The following MBNL1 variants were observed in gnomAD, a reference collection of about 807,000 sequenced individuals.
MBNL1 encodes the protein muscleblind-like protein 1.
Under a neutral mutation model 42.2 loss-of-function variants are expected in MBNL1, and 8 were observed. The ratio of observed to expected loss-of-function variants is 0.19; its 90% CI spans 0.11 to 0.34. The LOEUF is 0.34. Among genes scored for constraint, MBNL1 ranks in the 10% least tolerant of loss-of-function variants. The probability of loss-of-function intolerance (pLI) is 1.00; values close to 1 mark genes in which losing one functional copy is unlikely to be tolerated. For synonymous variants in MBNL1, 169 were observed against 173.9 expected (o/e 0.97, Z 0.22); for missense variants, 309 against 495.3 (o/e 0.62, Z 3.57).
chr3:152,341,047 T>G, intron 2 of MBNL1: 3 of 1,034,392 alleles, frequency 2.9e-6, no homozygotes, highest in Non-Finnish European at 2.6e-6. Context: ...TAACAAAGCA[T>G]TTTATTCATA....
chr3:152,447,574 T>G (rs754385167), intron 5 of MBNL1, 46 bp from the exon 6 acceptor site: 2 of 1,531,698 alleles, frequency 1.3e-6, no homozygotes, highest in East Asian at 2.3e-5. Flanking sequence ...TTTTTTCTTT[T>G]TCTCTTTTTA....
chr3:152,301,326 T>G (rs2060639571), intron 2 of MBNL1, among the ~76,000 whole-genome samples: 2 of 152,214 alleles, frequency 1.3e-5, no homozygotes, highest in Admixed American at 1.3e-4. Context: ...TTAATCAAAT[T>G]GCTTTTGAAT....
In MBNL1 at chr3:152,301,601, G is replaced by A. The variant is rs144683977; in HGVS notation, c.174+1234G>A. ...ATCTTTAGAGTTGAACAGAAAGGAG[G>A]TATTAACAACAAAAATATTTTAAAA... On this transcript the variant is annotated intron_variant, in intron 2 of 9. Transcript: ENST00000324210. Among the ~76,000 whole-genome samples, 634 of 152,206 alleles carry A rather than the reference G, an allele frequency of 4.2e-3. 2 individuals are homozygous for A. The highest frequency in any genetic ancestry group is 6.5e-3 in the Non-Finnish European group (442 of 67,990).
chr3:152,260,216 C>G (rs2149490298), intron 2 of MBNL1, among the ~76,000 whole-genome samples: 1 of 152,248 alleles, frequency 6.6e-6, no homozygotes, highest in African/African-American at 2.4e-5. Context: ...GAAAAGAATG[C>G]TCCACATTGT....
intron 2 of MBNL1, among the ~76,000 whole-genome samples, chr3:152,342,598 CA>C (rs2093538832): frequency 7.6e-6 from 1 of 131,872 alleles, no homozygotes; most frequent in African/African-American, 3.1e-5. Flanking sequence ...TTTCCACAAA[CA>C]ACAGGACCTA....
chr3:152,300,880 G>T lies in MBNL1; in HGVS notation c.174+513G>T, dbSNP rs983039034. ...TTATTTTGTGGGCATTTTATTTTCA[G>T]GCCAGAGCCACGCATTTTATGGAAA... On this transcript the variant is annotated intron_variant, in intron 2 of 9. Transcript: ENST00000324210. The T allele has an allele frequency of 5.3e-6, 5 of 949,282 alleles. No homozygotes were observed. The African/African-American group carries it at 8.9e-5, about 17-fold the overall frequency. The allele number at this position is 949,282 out of a possible 1,614,324, so 58.8% of individuals were successfully genotyped here.
intron 2 of MBNL1, among the ~76,000 whole-genome samples, chr3:152,310,263 T>C (rs1402152584): frequency 6.6e-6 from 1 of 152,224 alleles, no homozygotes; most frequent in East Asian, 1.9e-4. Flanking sequence ...GATTTTTAGG[T>C]AGCACATGTA....
chr3:152,315,866 A>ACT (rs113762203), intron 2 of MBNL1, among the ~76,000 whole-genome samples: 44 of 149,188 alleles, frequency 2.9e-4, no homozygotes, highest in South Asian at 1.5e-3. Context: ...ACACACACAC[A>ACT]CTCTCTCTCT....
intron 1 of MBNL1, among the ~76,000 whole-genome samples, chr3:152,275,058 A>G (rs2044147517): frequency 6.6e-6 from 1 of 152,218 alleles, no homozygotes; most frequent in Non-Finnish European, 1.5e-5. Context: ...ATAATTTATC[A>G]GCATTTGTTG....
In MBNL1 at chr3:152,447,664, T is replaced by C. The variant is rs1712830928; in HGVS notation, c.852T>C (p.Ala284=). The C allele has an allele frequency of 1.9e-6, 3 of 1,613,920 alleles. No homozygotes were observed. The highest frequency in any genetic ancestry group is 2.5e-6 in the Non-Finnish European group (3 of 1,179,858). ...TTCCCCCATTACCAAAGAGGCCTGC[T>C]CTTGAAAAAACCAACGGTGCCACCG... ...AVLPPLPKRP[A]LEKTNGATAV... is the part of the protein sequence containing the mutation. Residue 284 remains alanine (A), a synonymous_variant, in exon 6 of 10, where the codon GCT becomes GCC. Transcript: ENST00000324210.
intron 2 of MBNL1, among the ~76,000 whole-genome samples, chr3:152,392,009 A>G (rs1014465712): frequency 6.6e-6 from 1 of 152,238 alleles, no homozygotes; most frequent in Non-Finnish European, 1.5e-5. Flanking sequence ...AATAAATTGC[A>G]AACTGTCGTT....
intron 2 of MBNL1, among the ~76,000 whole-genome samples, chr3:152,365,655 G>C (rs922379628): frequency 2.6e-5 from 4 of 151,996 alleles, no homozygotes; most frequent in Non-Finnish European, 4.4e-5. Context: ...ATTTTACCTG[G>C]TGTCTTAAGA....
chr3:152,349,654 G>A (rs530377779), intron 2 of MBNL1, among the ~76,000 whole-genome samples: 5 of 151,802 alleles, frequency 3.3e-5, no homozygotes, highest in South Asian at 4.2e-4. Flanking sequence ...TTTTCATAGC[G>A]GTCCATCTTA....
intron 9 of MBNL1, among the ~76,000 whole-genome samples, chr3:152,461,742 T>G (rs1482652802): frequency 6.6e-6 from 1 of 152,186 alleles, no homozygotes; most frequent in African/African-American, 2.4e-5. Context: ...GAGAACAAAT[T>G]TCATGTAAAA....
At chr3:152,309,072 A>G (rs372086896) in intron 2 of MBNL1, among the ~76,000 whole-genome samples, 4 of 152,164 alleles carry the variant, frequency 2.6e-5, no homozygotes, top group African/African-American at 7.2e-5. Context: ...CTCGACAGCA[A>G]TTGCAGGGTC....
intron 7 of MBNL1, 120 bp from the exon 8 acceptor site, chr3:152,456,147 C>T (rs1486550223): frequency 4.3e-6 from 3 of 700,634 alleles, no homozygotes; most frequent in Non-Finnish European, 8.0e-6. Context: ...GTGATGATGT[C>T]CTGTCACATG....
At chr3:152,402,403 A>C (rs2098265131) in intron 2 of MBNL1, among the ~76,000 whole-genome samples, 1 of 152,182 alleles carries the variant, frequency 6.6e-6, no homozygotes, top group Non-Finnish European at 1.5e-5. Context: ...CCAAAGTCTC[A>C]CTGTTCATAA....
chr3:152,454,060 A>G (rs1379344861), intron 6 of MBNL1, among the ~76,000 whole-genome samples: 1 of 152,190 alleles, frequency 6.6e-6, no homozygotes, highest in Non-Finnish European at 1.5e-5. Flanking sequence ...GTCTCAAATT[A>G]TTATAACTTC....
At chr3:152,335,125 A>T (rs890045347) in intron 2 of MBNL1, 5 of 1,288,846 alleles carry the variant, frequency 3.9e-6, no homozygotes, top group South Asian at 3.7e-5. Flanking sequence ...CACTCAGGAA[A>T]TGTTGTTTAA....
Sources: gnomAD v4.1 joint callset for allele counts (sites outside exome capture counted in the v4.1 genomes callset) on GRCh38, gnomAD v4.1.1 for gene constraint, MANE v1.5 for transcripts, NCBI Gene and HGNC (gene_info 2026-07-23, HGNC 2026-07-21) for gene names.